NAA15: variants seen among roughly 807,000 people sequenced by gnomAD.
NAA15 encodes N-alpha-acetyltransferase 15, NatA auxiliary subunit.
In NAA15, 34 loss-of-function variants were observed where a neutral mutation model predicts 114.0. That is an observed-to-expected ratio of 0.30 (90% CI 0.23 to 0.40). The LOEUF (loss-of-function observed/expected upper bound fraction) is 0.40. NAA15 is among the 10% of genes least tolerant of loss of function. The pLI, the probability that NAA15 is intolerant of heterozygous loss-of-function variation, is 1.00. For synonymous variants in NAA15, 340 were observed against 338.0 expected (o/e 1.01, Z -0.06); for missense variants, 658 against 1,004.5 (o/e 0.66, Z 4.66).
chr4:139,372,772 A>G (rs986718501), intron 15 of NAA15, among the ~76,000 whole-genome samples: 3 of 137,800 alleles, frequency 2.2e-5, no homozygotes, highest in East Asian at 2.3e-4. Flanking sequence ...GCTTTCTTCT[A>G]TGTGGTAAAT....
intron 10 of NAA15, chr4:139,356,513 G>A (rs1167576165): frequency 6.6e-6 from 1 of 152,136 alleles, no homozygotes; most frequent in East Asian, 1.9e-4. Flanking sequence ...TTTTACAAAT[G>A]TGGAAGAGGT....
At chr4:139,342,726 G>A in intron 4 of NAA15, 100 bp from the exon 5 acceptor site, 3 of 1,101,548 alleles carry the variant, frequency 2.7e-6, no homozygotes, top group Non-Finnish European at 3.9e-6. Flanking sequence ...GGGATTACAG[G>A]CGTGAGCCAC....
chr4:139,324,720 T>G (rs979992285), intron 1 of NAA15, among the ~76,000 whole-genome samples: 38 of 152,206 alleles, frequency 2.5e-4, no homozygotes, highest in Admixed American at 2.4e-3. Context: ...TCACCAGAGG[T>G]TGGAGTTCAA....
rs73854524 is a variant in NAA15, at chr4:139,360,423, C to T, written c.1411-77C>T. On this transcript the variant is annotated intron_variant, in intron 12 of 19. Coordinates refer to ENST00000296543, the MANE Select transcript of NAA15 (RefSeq NM_057175.5). ...GAAAGAGTCCCAATCAGCTTAACATCTTTGTTTTTTAAAATTCTGTGGTAG... is the reference window on the plus strand; with the variant it reads ...GAAAGAGTCCCAATCAGCTTAACATTTTTGTTTTTTAAAATTCTGTGGTAG... 1,044 of 1,339,812 alleles carry T rather than the reference C, an allele frequency of 7.8e-4. 6 individuals carry two copies. The African/African-American group carries it at 0.014, about 17-fold the overall frequency. The allele number at this position is 1,339,812 out of a possible 1,614,324, so 83.0% of individuals were successfully genotyped here. A position where few individuals can be genotyped will look rare whatever the true frequency, so the allele number is the denominator to read the frequency against.
At chr4:139,338,743 T>C (rs72726514) in intron 3 of NAA15, among the ~76,000 whole-genome samples, 40,342 of 151,998 alleles carry the variant, frequency 0.27, 5,665 homozygotes, top group African/African-American at 0.35. Context: ...CCACCATGCC[T>C]GGCCAACATT....
At chr4:139,377,893 G>A (rs1198057594) in intron 16 of NAA15, among the ~76,000 whole-genome samples, 1 of 152,118 alleles carries the variant, frequency 6.6e-6, no homozygotes, top group Non-Finnish European at 1.5e-5. Flanking sequence ...TTCAAAAGCT[G>A]CTCTGCTTAA....
chr4:139,357,202 A>T (rs1271916562), intron 10 of NAA15, among the ~76,000 whole-genome samples, 184 bp from the exon 11 acceptor site: 2 of 152,226 alleles, frequency 1.3e-5, no homozygotes, highest in Admixed American at 1.3e-4. Flanking sequence ...GGTTATAAGG[A>T]TGCAGAAAAG....
chr4:139,323,169 G>T (rs745889077), intron 1 of NAA15, among the ~76,000 whole-genome samples: 1 of 149,138 alleles, frequency 6.7e-6, no homozygotes, highest in Non-Finnish European at 1.5e-5. Flanking sequence ...CGATTCTCCT[G>T]CCTCAGCCTC....
chr4:139,305,594 A>G (rs1041044965), intron 1 of NAA15, among the ~76,000 whole-genome samples: 1 of 151,102 alleles, frequency 6.6e-6, no homozygotes, highest in East Asian at 1.9e-4. Flanking sequence ...CTGGAGGGCA[A>G]TGGCATGATC....
In NAA15 at chr4:139,359,948, ATAC is replaced by A. The variant is rs1226645891; in HGVS notation, c.1410+55_1410+57del. On this transcript the variant is annotated intron_variant, in intron 12 of 19. Transcript: ENST00000296543. ...GAATAAAGAAGACATGAGCCAGTTC[ATAC>A]TTGTATAACATGCTTATTTTTCAAA... The A allele has an allele frequency of 3.4e-6, 5 of 1,464,984 alleles. No homozygotes were observed. The East Asian group carries it at 1.3e-4, about 37-fold the overall frequency. 90.7% of individuals were successfully genotyped at this position (1,464,984 alleles called of 1,614,324 possible).
At chr4:139,384,788 A>T in intron 17 of NAA15, 44 bp from the exon 18 acceptor site, 1 of 1,256,512 alleles carries the variant, frequency 8.0e-7, no homozygotes, top group Non-Finnish European at 1.0e-6. Flanking sequence ...TGTAAACTTT[A>T]TCAGAGTATT....
chr4:139,305,539 GTT>G (rs11454836), intron 1 of NAA15, among the ~76,000 whole-genome samples: 4 of 135,448 alleles, frequency 3.0e-5, no homozygotes, highest in East Asian at 2.1e-4. Context: ...GTAACTTGTT[GTT>G]TTTTTTTTTT....
At chr4:139,380,071 A>T (rs910552517) in intron 17 of NAA15, among the ~76,000 whole-genome samples, 1 of 152,208 alleles carries the variant, frequency 6.6e-6, no homozygotes, top group African/African-American at 2.4e-5. Context: ...CATCGTTTTG[A>T]CTTTCCAGAA....
chr4:139,338,454 G>C (rs546361472), intron 3 of NAA15, among the ~76,000 whole-genome samples: 1 of 151,836 alleles, frequency 6.6e-6, no homozygotes, highest in Non-Finnish European at 1.5e-5. Flanking sequence ...TTGTTTGTTT[G>C]TGCTTTTTTT....
chr4:139,354,027 T>A lies in NAA15; in HGVS notation c.1016T>A (p.Val339Glu), dbSNP rs1310679328. Residue 339 changes from valine (V) to glutamate (E), a missense_variant and splice_region_variant, in exon 10 of 20, where the codon GTG becomes GAG. Coordinates refer to ENST00000296543, the MANE Select transcript of NAA15 (RefSeq NM_057175.5). The part of the protein sequence containing the change: ...LRSLYKDKEK[V>E]AIIEELVVGY... ...TGTGTTTGTGTGTTTGTACTCTAGG[T>A]GGCAATCATAGAAGAGTTAGTAGTA... The A allele has an allele frequency of 1.9e-6, 3 of 1,612,142 alleles. No individual in the cohort carries two copies. Among genetic ancestry groups the A allele is most frequent in the Non-Finnish European group, 2.5e-6 (3 of 1,178,758 alleles).
rs1273840591 is a variant in NAA15 at position 139,370,164 on chromosome 4, C to T, written c.1754-47C>T. ...TCAAATAATACTTAAAATTACTAAT[C>T]TGATTAACATGCTTGTTAATTTTAT... On this transcript the variant is annotated intron_variant, in intron 14 of 19. Transcript: ENST00000296543. The T allele has an allele frequency of 4.5e-6, 6 of 1,330,100 alleles. No individual in the cohort carries two copies. In the African/African-American group the frequency reaches 9.0e-5, roughly 20 times the overall value. The allele number at this position is 1,330,100 out of a possible 1,614,324, so 82.4% of individuals were successfully genotyped here.
chr4:139,360,141 A>G (rs1026017998), intron 12 of NAA15, among the ~76,000 whole-genome samples: 7 of 152,124 alleles, frequency 4.6e-5, no homozygotes, highest in Non-Finnish European at 1.0e-4. Context: ...TAAATTTTTT[A>G]GGGGTCAAGG....
Position 139,301,796 on chromosome 4 carries a change from C to A in NAA15, c.19C>A (p.Pro7Thr). ...CGGAACGATGCCGGCCGTGAGCCTC[C>A]CGCCCAAGGAGAATGCGCTCTTCAA... MPAVSLPPKENALFKRI... is the reference protein window; with the variant it reads MPAVSLTPKENALFKRI... The change falls in exon 1 of 20, where the codon CCG becomes ACG. Residue 7 changes from proline to threonine, a missense_variant. Pro to Thr is a conservative substitution (Grantham distance 38, BLOSUM62 -1). Transcript: ENST00000296543. The A allele has an allele frequency of 6.3e-7, 1 of 1,586,576 alleles. No individual in the cohort carries two copies. Among genetic ancestry groups the A allele is most frequent in the Non-Finnish European group, 8.6e-7 (1 of 1,165,996 alleles).
At chr4:139,319,355 C>A (rs1221521599) in intron 1 of NAA15, among the ~76,000 whole-genome samples, 1 of 151,868 alleles carries the variant, frequency 6.6e-6, no homozygotes, top group Non-Finnish European at 1.5e-5. Context: ...ATCCACCCAC[C>A]TTGGCCTCCC....
Sources: allele counts gnomAD v4.1 joint callset (sites outside exome capture counted in the v4.1 genomes callset), GRCh38; gene constraint gnomAD v4.1.1; transcripts MANE v1.5; gene names NCBI Gene and HGNC (gene_info 2026-07-23, HGNC 2026-07-21).